The following SLC9B2 variants were observed in gnomAD, a reference collection of about 807,000 sequenced individuals.
SLC9B2 encodes solute carrier family 9 member B2.
In SLC9B2, 39 loss-of-function variants were observed where a neutral mutation model predicts 52.2. That is an observed-to-expected ratio of 0.75 (90% CI 0.58 to 0.98). The LOEUF (loss-of-function observed/expected upper bound fraction) is 0.98, where lower values mean the gene tolerates loss of function less well. SLC9B2 is among the 50% of genes least tolerant of loss of function. The pLI, the probability that SLC9B2 is intolerant of heterozygous loss-of-function variation, is 0.00. For synonymous variants in SLC9B2, 214 were observed against 227.0 expected (o/e 0.94, Z 0.51); for missense variants, 626 against 637.5 (o/e 0.98, Z 0.19).
At chr4:103,042,487 A>G (rs1169785316) in intron 9 of SLC9B2, 1 of 151,944 alleles carries the variant, frequency 6.6e-6, no homozygotes, top group Admixed American at 6.6e-5. Context: ...CAGTATGAAA[A>G]ACCAAAGCAA....
rs933048984 is a variant in SLC9B2 at position 103,026,164 on chromosome 4, G to GA, written c.*205dup. The GA allele has an allele frequency of 1.0e-4, 50 of 481,194 alleles. No individual in the cohort carries two copies. Among genetic ancestry groups the GA allele is most frequent in the South Asian group, 1.9e-4 (5 of 26,184 alleles). The allele number at this position is 481,194 out of a possible 1,614,324, so 29.8% of individuals were successfully genotyped here. On this transcript the variant is annotated 3_prime_UTR_variant, in exon 12 of 12. Coordinates refer to ENST00000394785, the MANE Select transcript of SLC9B2 (RefSeq NM_178833.7). ...TAAGATGGATGATGAAGGGGTGTTT[G>GA]AAAAAAAAGGCAGAGAGATTAAGGT...
intron 4 of SLC9B2, among the ~76,000 whole-genome samples, chr4:103,052,431 A>G (rs1744771177): frequency 6.6e-6 from 1 of 152,226 alleles, no homozygotes; most frequent in Admixed American, 6.5e-5. Context: ...GTAGGTTTAC[A>G]TTAACTATAT....
intron 4 of SLC9B2, among the ~76,000 whole-genome samples, chr4:103,052,091 C>G (rs1265049915): frequency 6.6e-6 from 1 of 152,206 alleles, no homozygotes; most frequent in Non-Finnish European, 1.5e-5. Flanking sequence ...GTGAGCTAGA[C>G]CAGCAGTCCA....
In SLC9B2 at chr4:103,076,421, C is replaced by CG. The variant is rs1747167325; in HGVS notation, c.-281dup. 6.6e-6 allele frequency: 1 copy of CG among 152,270 alleles called. No individual in the cohort carries two copies. The highest frequency in any genetic ancestry group is 2.4e-5 in the African/African-American group (1 of 41,468). The allele number at this position is 152,270 out of a possible 1,614,324, so 9.4% of individuals were successfully genotyped here. A position where few individuals can be genotyped will look rare whatever the true frequency, so the allele number is the denominator to read the frequency against. ...CTGGGCGACACCGCGCAGGGAGGTCCGACCCGTCGGCGCCGGTACAGGCTC... is the reference window on the plus strand; with the variant it reads ...CTGGGCGACACCGCGCAGGGAGGTCCGGACCCGTCGGCGCCGGTACAGGCTC... On this transcript the variant is annotated 5_prime_UTR_variant, in exon 1 of 12. An upstream open reading frame in the 5' UTR loses its in-frame stop. Coordinates refer to ENST00000394785, the MANE Select transcript of SLC9B2 (RefSeq NM_178833.7).
At chr4:103,070,787 A>G (rs1378125545) in intron 1 of SLC9B2, among the ~76,000 whole-genome samples, 1 of 152,150 alleles carries the variant, frequency 6.6e-6, no homozygotes, top group East Asian at 1.9e-4. Context: ...TGTTTTTCAA[A>G]CCCTCAGAAG....
At chr4:103,032,442 C>A (rs1742790279) in intron 9 of SLC9B2, among the ~76,000 whole-genome samples, 1 of 152,128 alleles carries the variant, frequency 6.6e-6, no homozygotes, top group Non-Finnish European at 1.5e-5. Flanking sequence ...TCCAGCTCCT[C>A]TTTCACTGTT....
chr4:103,039,233 G>A (rs1403208493), intron 9 of SLC9B2, among the ~76,000 whole-genome samples: 1 of 152,152 alleles, frequency 6.6e-6, no homozygotes, highest in African/African-American at 2.4e-5. Context: ...ATATCATGCT[G>A]TTCTGGAGGT....
chr4:103,054,403 C>G (rs563597723), intron 4 of SLC9B2, among the ~76,000 whole-genome samples: 9 of 152,148 alleles, frequency 5.9e-5, no homozygotes, highest in Non-Finnish European at 1.2e-4. Context: ...CCATGAAGAC[C>G]TACTTAATTA....
rs116521383 is a variant in SLC9B2 at position 103,044,899 on chromosome 4, G to A, written c.987C>T (p.Ser329=). The change falls in exon 8 of 12, where the codon AGC becomes AGT. Residue 329 remains serine, a synonymous_variant. Transcript: ENST00000394785. ...ATATTATTTCTTTCACCTGGTCACG[G>A]CTTGGAAAGTACTGAATGAAAAATC... ...VLGFFIQYFP[S]RDQDKLVCKR... The A allele has an allele frequency of 3.4e-4, 551 of 1,612,416 alleles. 4 individuals are homozygous for A. In the East Asian group the frequency reaches 9.9e-3, roughly 29 times the overall value.
chr4:103,067,488 G>C lies in SLC9B2; in HGVS notation c.63C>G (p.Tyr21Ter). Residue 21 changes from tyrosine to a stop codon, truncating the protein, a stop_gained, in exon 2 of 12, where the codon TAC becomes TAG. Transcript: ENST00000394785. LOFTEE classifies it high-confidence loss of function. ...GTGCTTCTTGATGCATGGAGGGCGT[G>C]TAATTCATTCCTGTGGATGGTTCTG... ...EDSEPSTGMN[Y>*]TPSMHQEAQE... 1.2e-6 allele frequency: 2 copies of C among 1,613,342 alleles called. No individual in the cohort carries two copies. The highest frequency in any genetic ancestry group is 1.7e-6 in the Non-Finnish European group (2 of 1,179,482).
chr4:103,062,565 T>G (rs1048231694), intron 3 of SLC9B2, among the ~76,000 whole-genome samples: 7 of 152,178 alleles, frequency 4.6e-5, no homozygotes, highest in Non-Finnish European at 7.3e-5. Context: ...CAGTTAACAA[T>G]TTACTTCTCA....
chr4:103,047,410 T>C (rs1744257315), intron 6 of SLC9B2, among the ~76,000 whole-genome samples, 184 bp from the exon 7 acceptor site: 1 of 152,052 alleles, frequency 6.6e-6, no homozygotes, highest in Non-Finnish European at 1.5e-5. Context: ...TTTTTTATTA[T>C]ACTTTAAGTT....
At chr4:103,052,715 ATTTT>A (rs571633889) in intron 4 of SLC9B2, among the ~76,000 whole-genome samples, 1 of 141,498 alleles carries the variant, frequency 7.1e-6, no homozygotes. Flanking sequence ...ATGAGGGGAC[ATTTT>A]TTTTTTTTTT....
At chr4:103,019,875 G>C, downstream of SLC9B2, 3 of 986,314 alleles carry the variant, frequency 3.0e-6, no homozygotes, top group Non-Finnish European at 3.6e-6. Context: ...TCTGAATATT[G>C]ACTCATCGGG....
intron 7 of SLC9B2, among the ~76,000 whole-genome samples, chr4:103,045,671 C>T (rs1235218444): frequency 2.6e-5 from 4 of 152,048 alleles, no homozygotes; most frequent in East Asian, 1.9e-4. Context: ...GAAGGTTCTT[C>T]GAGCTGTAGC....
intron 4 of SLC9B2, among the ~76,000 whole-genome samples, chr4:103,050,711 C>G (rs1002934485): frequency 6.6e-6 from 1 of 152,204 alleles, no homozygotes; most frequent in African/African-American, 2.4e-5. Flanking sequence ...CCTTTGCGTG[C>G]AAACAGCAAA....
intron 9 of SLC9B2, among the ~76,000 whole-genome samples, chr4:103,032,873 T>C (rs545038511): frequency 1.5e-4 from 23 of 152,324 alleles, no homozygotes; most frequent in African/African-American, 5.1e-4. Flanking sequence ...TAACAGAGTC[T>C]GGATCTCAGC....
intron 1 of SLC9B2, among the ~76,000 whole-genome samples, chr4:103,069,166 G>C (rs1257721573): frequency 6.6e-6 from 1 of 152,150 alleles, no homozygotes; most frequent in African/African-American, 2.4e-5. Flanking sequence ...AAAGTCACTT[G>C]ATGAGAAAAT....
chr4:103,075,294 C>A (rs564787940), intron 1 of SLC9B2, among the ~76,000 whole-genome samples: 7 of 152,108 alleles, frequency 4.6e-5, no homozygotes, highest in Admixed American at 1.3e-4. Context: ...GAATTACGGG[C>A]GTGCACCACC....
Sources: gnomAD v4.1 joint callset for allele counts (sites outside exome capture counted in the v4.1 genomes callset) on GRCh38, gnomAD v4.1.1 for gene constraint, MANE v1.5 for transcripts, NCBI Gene and HGNC (gene_info 2026-07-23, HGNC 2026-07-21) for gene names.